The following CCDC171 variants were observed in gnomAD, a reference collection of about 807,000 sequenced individuals.
CCDC171 encodes the protein coiled-coil domain-containing protein 171.
In CCDC171, 177 loss-of-function variants were observed where a neutral mutation model predicts 168.2. The ratio of observed to expected loss-of-function variants is 1.05; its 90% CI spans 0.93 to 1.19. The LOEUF (loss-of-function observed/expected upper bound fraction) is 1.19, where lower values mean the gene tolerates loss of function less well. CCDC171 is among the 50% of genes most tolerant of loss of function. CCDC171 has a pLI of 0.00. For synonymous variants in CCDC171, 687 were observed against 540.8 expected (o/e 1.27, Z -3.75); for missense variants, 1,991 against 1,539.0 (o/e 1.29, Z -4.91).
At chr9:15,898,618 T>C (rs1273913677) in intron 24 of CCDC171, among the ~76,000 whole-genome samples, 1 of 152,202 alleles carries the variant, frequency 6.6e-6, no homozygotes, top group Non-Finnish European at 1.5e-5. Flanking sequence ...TATTTGTTTC[T>C]AAAATAAATA....
At chr9:15,674,050 AT>A (rs1393687420) in intron 9 of CCDC171, among the ~76,000 whole-genome samples, 1 of 152,064 alleles carries the variant, frequency 6.6e-6, no homozygotes, top group African/African-American at 2.4e-5. Flanking sequence ...CTATTCAGAG[AT>A]TCAACTTCTT....
chr9:15,569,813 T>C (rs979946510), intron 2 of CCDC171, among the ~76,000 whole-genome samples: 1 of 103,274 alleles, frequency 9.7e-6, no homozygotes, highest in Non-Finnish European at 2.1e-5. Flanking sequence ...AGACTCCGTC[T>C]CAAAAAAAAA....
At chr9:15,634,916 T>C (rs1343194445) in intron 7 of CCDC171, among the ~76,000 whole-genome samples, 2 of 152,208 alleles carry the variant, frequency 1.3e-5, no homozygotes, top group Middle Eastern at 6.3e-3. Flanking sequence ...TCTGACTGAC[T>C]TCTTTCACTT....
At chr9:15,571,845 C>T (rs2040247623) in intron 3 of CCDC171, 86 bp downstream of exon 3, 7 of 1,203,676 alleles carry the variant, frequency 5.8e-6, no homozygotes, top group South Asian at 1.5e-5. Flanking sequence ...CATGTTTAAC[C>T]TTTATAACTA....
At chr9:15,979,227 C>T (rs992536896) in intron 3 of CCDC171, among the ~76,000 whole-genome samples, 1 of 152,106 alleles carries the variant, frequency 6.6e-6, no homozygotes, top group Non-Finnish European at 1.5e-5. Context: ...AAAGTGGTGT[C>T]ATCTGCAAAT....
chr9:15,985,244 C>G (rs541686976), intron 3 of CCDC171, among the ~76,000 whole-genome samples: 2 of 152,164 alleles, frequency 1.3e-5, no homozygotes, highest in Admixed American at 6.5e-5. Flanking sequence ...ATGCAGTACA[C>G]CAAGTGAAAA....
At position 15,820,771 on chromosome 9, in the gene CCDC171, G is replaced by C. The variant is rs189531224; in HGVS notation, c.3268-25931G>C. Among the ~76,000 whole-genome samples, 2 of 117,404 alleles carry C rather than the reference G, an allele frequency of 1.7e-5. 1 individual carries two copies. The highest frequency in any genetic ancestry group is 6.4e-5 in the African/African-American group (2 of 31,194). The allele number at this position is 117,404 out of a possible 152,430, so 77.0% of individuals were successfully genotyped here. A position where few individuals can be genotyped will look rare whatever the true frequency, so the allele number is the denominator to read the frequency against. On this transcript the variant is annotated intron_variant, in intron 21 of 25. Coordinates refer to ENST00000380701, the MANE Select transcript of CCDC171 (RefSeq NM_173550.4). ...TCTACCAGAGGTACAGGAGGAGCTGGTACCATTCCTTCTGAAACTATTACA... is the reference window on the plus strand; with the variant it reads ...TCTACCAGAGGTACAGGAGGAGCTGCTACCATTCCTTCTGAAACTATTACA...
the CCDC171 span, among the ~76,000 whole-genome samples, chr9:16,078,021 G>C: frequency 2.2e-4 from 34 of 151,152 alleles, no homozygotes; most frequent in Non-Finnish European, 4.4e-4. Flanking sequence ...AATTTGCCAA[G>C]AGAGTAGATC....
intron 2 of CCDC171, among the ~76,000 whole-genome samples, chr9:15,567,699 G>C (rs548204777): frequency 2.0e-5 from 3 of 151,820 alleles, no homozygotes; most frequent in Admixed American, 6.6e-5. Flanking sequence ...CTGTTGCCCA[G>C]GCTAGAGTAC....
the CCDC171 span, among the ~76,000 whole-genome samples, chr9:16,092,932 C>A: frequency 6.6e-6 from 1 of 152,228 alleles, no homozygotes. Context: ...GCCTTCTGAG[C>A]TCTGCAACAT....
chr9:15,600,550 A>C (rs453991), intron 6 of CCDC171, among the ~76,000 whole-genome samples: 1 of 152,130 alleles, frequency 6.6e-6, no homozygotes, highest in East Asian at 1.9e-4. Context: ...GCCCCTACTC[A>C]GGGGTGCCTC....
intron 7 of CCDC171, among the ~76,000 whole-genome samples, chr9:15,647,061 A>G (rs989454954): frequency 5.1e-4 from 77 of 152,260 alleles, no homozygotes; most frequent in African/African-American, 1.7e-3. Flanking sequence ...CTCTTAGACC[A>G]CAGTGCAATC....
the CCDC171 span, among the ~76,000 whole-genome samples, chr9:16,087,935 C>T: frequency 6.6e-6 from 1 of 152,014 alleles, no homozygotes. Context: ...GATTTTATTT[C>T]TTCTTTGCTT....
chr9:15,658,010 G>A (rs2048065763), intron 8 of CCDC171, among the ~76,000 whole-genome samples: 1 of 152,150 alleles, frequency 6.6e-6, no homozygotes, highest in African/African-American at 2.4e-5. Context: ...TTGTTTATGG[G>A]TGCTTGTCGA....
intron 1 of CCDC171, among the ~76,000 whole-genome samples, chr9:16,058,433 G>A (rs928877954): frequency 5.3e-5 from 8 of 152,112 alleles, no homozygotes; most frequent in Non-Finnish European, 1.0e-4. Flanking sequence ...AGGTATCCTC[G>A]CCGGCGTGCA....
At chr9:15,775,327 T>G (rs936448391) in intron 18 of CCDC171, among the ~76,000 whole-genome samples, 29 of 152,184 alleles carry the variant, frequency 1.9e-4, no homozygotes, top group Admixed American at 1.5e-3. Flanking sequence ...TACACAAACA[T>G]TTCTGTGACA....
At chr9:15,879,971 G>T (rs1011258582) in intron 24 of CCDC171, among the ~76,000 whole-genome samples, 2 of 152,082 alleles carry the variant, frequency 1.3e-5, no homozygotes, top group African/African-American at 4.8e-5. Flanking sequence ...TCTTTTTAAA[G>T]TGTGGTTCTT....
intron 23 of CCDC171, among the ~76,000 whole-genome samples, chr9:15,873,184 A>G (rs1275422937): frequency 6.6e-6 from 1 of 152,026 alleles, no homozygotes; most frequent in East Asian, 1.9e-4. Context: ...AGATGCCGTT[A>G]TATGTTTGTG....
At chr9:15,714,534 G>T (rs954747456) in intron 11 of CCDC171, among the ~76,000 whole-genome samples, 1 of 152,160 alleles carries the variant, frequency 6.6e-6, no homozygotes, top group African/African-American at 2.4e-5. Context: ...ATGTCTCCCT[G>T]AATTAATGGC....
Sources: gnomAD v4.1 joint callset for allele counts (sites outside exome capture counted in the v4.1 genomes callset) on GRCh38, gnomAD v4.1.1 for gene constraint, MANE v1.5 for transcripts, NCBI Gene and HGNC (gene_info 2026-07-23, HGNC 2026-07-21) for gene names.